SGTB: variants seen among roughly 807,000 people sequenced by gnomAD.
SGTB encodes the protein small glutamine-rich tetratricopeptide repeat-containing protein beta.
Under a neutral mutation model 43.9 loss-of-function variants are expected in SGTB, and 19 were observed. That is an observed-to-expected ratio of 0.43 (90% CI 0.30 to 0.63). The LOEUF (loss-of-function observed/expected upper bound fraction) is 0.63, where lower values mean the gene tolerates loss of function less well. Ranked by LOEUF, SGTB falls within the 30% of genes least tolerant of loss-of-function variation. SGTB has a pLI of 0.12. For synonymous variants in SGTB, 116 were observed against 117.3 expected (o/e 0.99, Z 0.07); for missense variants, 304 against 358.9 (o/e 0.85, Z 1.24).
In SGTB at chr5:65,685,356, C is replaced by T. The variant is rs74601855; in HGVS notation, c.479+12G>A. The T allele has an allele frequency of 3.7e-4, 600 of 1,612,836 alleles. 1 individual carries two copies. The African/African-American group carries it at 5.8e-3, about 16-fold the overall frequency. On this transcript the variant is annotated intron_variant, in intron 6 of 10. Coordinates refer to ENST00000381007, the MANE Select transcript of SGTB (RefSeq NM_019072.3). Reference sequence around the variant, plus strand: ...TACATGGTACTACTTGGAACATCCTCCCAGAACTTACCCCATTCTCCCATA... The same window carrying T: ...TACATGGTACTACTTGGAACATCCTTCCAGAACTTACCCCATTCTCCCATA...
At chr5:65,722,742 T>C (rs1008032339), upstream of SGTB, 1 of 358,928 alleles carries the variant, frequency 2.8e-6, no homozygotes, top group African/African-American at 2.2e-5. Context: ...TCAATCCCAA[T>C]GCAGAACTAC....
At chr5:65,693,179 AGAAG>A (rs1757645608) in intron 5 of SGTB, among the ~76,000 whole-genome samples, 1 of 151,710 alleles carries the variant, frequency 6.6e-6, no homozygotes, top group Admixed American at 6.6e-5. Flanking sequence ...ACAGAGTGAG[AGAAG>A]GACAGGACAG....
chr5:65,682,353 A>G (rs1421179913), intron 6 of SGTB, among the ~76,000 whole-genome samples: 2 of 152,188 alleles, frequency 1.3e-5, no homozygotes, highest in East Asian at 1.9e-4. Flanking sequence ...TCTGGTTGCA[A>G]TGGAGTCACA....
Position 65,711,058 on chromosome 5 carries a change from G to A in SGTB, c.204+1903C>T, listed in dbSNP as rs992730676. The stretch of plus-strand genomic sequence containing the variant: ...CACGTGCCTGGAGTCCCAGCTACTC[G>A]GGAGGCTAAGGCAGAAGAATCGCTT... On this transcript the variant is annotated intron_variant, in intron 3 of 10. Transcript: ENST00000381007. Among the ~76,000 whole-genome samples the A allele has an allele frequency of 1.8e-4, 27 of 151,376 alleles. No homozygotes were observed. The East Asian group carries it at 1.9e-3, about 11-fold the overall frequency.
intron 5 of SGTB, among the ~76,000 whole-genome samples, chr5:65,696,407 C>T (rs1426562423): frequency 1.3e-5 from 2 of 152,156 alleles, no homozygotes; most frequent in African/African-American, 4.8e-5. Flanking sequence ...AGAAGACATC[C>T]AAAACTGTTG....
Position 65,685,450 on chromosome 5 carries a change from C to G in SGTB, c.397G>C (p.Gly133Arg). 6.2e-7 allele frequency: 1 copy of G among 1,614,038 alleles called. No individual in the cohort carries two copies. The highest frequency in any genetic ancestry group is 8.5e-7 in the Non-Finnish European group (1 of 1,179,996). ...CNRAAAQSKLGHYTDAIKDCE... is the reference protein window; with the variant it reads ...CNRAAAQSKLRHYTDAIKDCE... ...TCCTTTATCGCATCTGTGTAGTGAC[C>G]TAATTTGCTCTGAGCAGCAGCCCTA... The change falls in exon 6 of 11, where the codon GGT becomes CGT. Residue 133 changes from glycine (G) to arginine (R), a missense_variant. Transcript: ENST00000381007.
At chr5:65,711,698 C>T (rs150342689) in intron 3 of SGTB, among the ~76,000 whole-genome samples, 2 of 152,330 alleles carry the variant, frequency 1.3e-5, no homozygotes, top group East Asian at 3.9e-4. Context: ...CATTATTTTT[C>T]TCCCAAGTGT....
chr5:65,680,677 C>A lies in SGTB; in HGVS notation c.597G>T (p.Lys199Asn). 6.2e-7 allele frequency: 1 copy of A among 1,614,076 alleles called. No individual in the cohort carries two copies. Among genetic ancestry groups the A allele is most frequent in the South Asian group, 1.1e-5 (1 of 91,084 alleles). ...TTACAGGACTGGATACCTCTCTTAA[C>A]TTCTGTTCTGCTATTTTCAGATTTG... ...YKSNLKIAEQ[K>N]LREVSSPTGT... Residue 199 changes from lysine to asparagine, a missense_variant, in exon 7 of 11, where the codon AAG (lysine) becomes AAT (asparagine). Physicochemically the swap from Lys to Asn is moderately conservative, Grantham distance 94. Coordinates refer to ENST00000381007, the MANE Select transcript of SGTB (RefSeq NM_019072.3).
chr5:65,672,296 C>T lies in SGTB; in HGVS notation c.682-15G>A, dbSNP rs772691184. On this transcript the variant is annotated splice_polypyrimidine_tract_variant and intron_variant, in intron 8 of 10. Transcript: ENST00000381007. ...AAACTTGCCGCCTGGAATTGAAAAA[C>T]AGCACCTCCCATTAAAGGCAGTTAA... is the stretch of plus-strand genomic sequence containing the variant. 16 of 1,613,862 alleles carry T rather than the reference C, an allele frequency of 9.9e-6. No individual in the cohort carries two copies. In the South Asian group the frequency reaches 1.6e-4, roughly 17 times the overall value.
intron 2 of SGTB, 90 bp downstream of exon 2, chr5:65,720,618 T>G: frequency 6.8e-7 from 1 of 1,464,848 alleles, no homozygotes; most frequent in South Asian, 1.4e-5. Context: ...ATTCTGATTA[T>G]GTTACAATAG....
At chr5:65,689,455 T>G (rs1342108079) in intron 5 of SGTB, among the ~76,000 whole-genome samples, 1 of 152,206 alleles carries the variant, frequency 6.6e-6, no homozygotes, top group Admixed American at 6.5e-5. Context: ...ACTCAAAGTT[T>G]CCATAATGTC....
At chr5:65,722,330 C>T, upstream of SGTB, 1 of 1,512,980 alleles carries the variant, frequency 6.6e-7, no homozygotes, top group Non-Finnish European at 8.8e-7. Context: ...CCGCCCCACG[C>T]CGAAGGACCA....
chr5:65,686,006 A>C (rs1341889816), intron 5 of SGTB, among the ~76,000 whole-genome samples: 3 of 152,226 alleles, frequency 2.0e-5, no homozygotes, highest in African/African-American at 7.2e-5. Context: ...CCTCATCAAA[A>C]GGTTGAAGAG....
At chr5:65,684,026 T>C (rs1034727039) in intron 6 of SGTB, among the ~76,000 whole-genome samples, 3 of 151,584 alleles carry the variant, frequency 2.0e-5, no homozygotes, top group Non-Finnish European at 4.4e-5. Flanking sequence ...AACGAGGAAC[T>C]GAGAAGTGGG....
chr5:65,722,321 C>A (rs1285670637), upstream of SGTB: 3 of 1,472,300 alleles, frequency 2.0e-6, no homozygotes, highest in Non-Finnish European at 2.7e-6. Flanking sequence ...CCCGCCTCGC[C>A]GCCCCACGCC....
At chr5:65,693,577 A>C (rs1229297648) in intron 5 of SGTB, among the ~76,000 whole-genome samples, 4 of 152,104 alleles carry the variant, frequency 2.6e-5, no homozygotes, top group Non-Finnish European at 5.9e-5. Context: ...ATAGACACAC[A>C]TACACGCTGC....
chr5:65,680,927 A>C lies in SGTB; in HGVS notation c.480-133T>G, dbSNP rs1757384789. 7 of 1,020,240 alleles carry C rather than the reference A, an allele frequency of 6.9e-6. No homozygotes were observed. The South Asian group carries it at 1.2e-4, about 18-fold the overall frequency. 63.2% of individuals were successfully genotyped at this position (1,020,240 alleles called of 1,614,324 possible). On this transcript the variant is annotated intron_variant, in intron 6 of 10. Transcript: ENST00000381007. ...TTACACTTAATTTATTCACTGTACT[A>C]TGGCTCACGGGAGCAAAATTCCCTC...
At chr5:65,681,671 T>G (rs942145910) in intron 6 of SGTB, among the ~76,000 whole-genome samples, 5 of 152,066 alleles carry the variant, frequency 3.3e-5, no homozygotes, top group African/African-American at 1.2e-4. Context: ...AAATAATATC[T>G]AAAGATACTG....
intron 5 of SGTB, among the ~76,000 whole-genome samples, chr5:65,698,421 A>T (rs1757751550): frequency 6.6e-6 from 1 of 152,212 alleles, no homozygotes; most frequent in Non-Finnish European, 1.5e-5. Flanking sequence ...TTTTACAGAT[A>T]GGGAAACCAA....
Sources: allele counts gnomAD v4.1 joint callset (sites outside exome capture counted in the v4.1 genomes callset), GRCh38; gene constraint gnomAD v4.1.1; transcripts MANE v1.5; gene names NCBI Gene and HGNC (gene_info 2026-07-23, HGNC 2026-07-21).